The following ZNF333 variants were observed in gnomAD, a reference collection of about 807,000 sequenced individuals.
The protein encoded by ZNF333 is zinc finger protein 333.
A neutral mutation model predicts 76.1 loss-of-function variants in ZNF333; 61 were observed. The ratio of observed to expected loss-of-function variants is 0.80; its 90% CI spans 0.65 to 0.99. The LOEUF is 0.99. Ranked by LOEUF, ZNF333 falls within the 50% of genes least tolerant of loss-of-function variation. The pLI, the probability that ZNF333 is intolerant of heterozygous loss-of-function variation, is 0.00. For synonymous variants in ZNF333, 284 were observed against 305.0 expected (o/e 0.93, Z 0.72); for missense variants, 717 against 822.4 (o/e 0.87, Z 1.57).
rs188393141 is a variant in ZNF333 at position 14,715,377 on chromosome 19, C to T, written c.512-5C>T. On this transcript the variant is annotated splice_region_variant and splice_polypyrimidine_tract_variant and intron_variant, in intron 7 of 11. Coordinates refer to ENST00000292530, the MANE Select transcript of ZNF333 (RefSeq NM_032433.4). The stretch of plus-strand genomic sequence containing the variant: ...AACCCTCATGCCTCTTCCCTTCTCC[C>T]CTAGCTGTGCCTGCACGTGACCCTG... 3,210 of 1,613,636 alleles carry T rather than the reference C, an allele frequency of 2.0e-3. 82 individuals carry two copies. The Admixed American group carries it at 0.048, about 24-fold the overall frequency.
chr19:14,718,914 A>G lies in ZNF333; in HGVS notation c.1587A>G (p.Thr529=), dbSNP rs761569087. The change falls in exon 12 of 12, where the codon ACA becomes ACG. Residue 529 remains threonine, a synonymous_variant. Transcript: ENST00000292530. The stretch of plus-strand genomic sequence containing the variant: ...TGAACGTGCACAAGAGGATACACAC[A>G]GGGGAGAAACTGTATGAGTGCGCGA... ...THLNVHKRIH[T]GEKLYECATC... 6.8e-6 allele frequency: 11 copies of G among 1,612,684 alleles called. No individual in the cohort carries two copies. The highest frequency in any genetic ancestry group is 7.6e-6 in the Non-Finnish European group (9 of 1,178,694).
intron 7 of ZNF333, 172 bp from the exon 8 acceptor site, chr19:14,715,210 T>C: frequency 1.7e-6 from 1 of 591,312 alleles, no homozygotes; most frequent in Non-Finnish European, 3.0e-6. Context: ...ATTGCATGCA[T>C]GCGTGTGCAA....
intron 4 of ZNF333, among the ~76,000 whole-genome samples, chr19:14,698,774 AG>A (rs1568527231): frequency 6.6e-6 from 1 of 151,566 alleles, no homozygotes. Flanking sequence ...CAGGAGGCAG[AG>A]GTTGCAGTGA....
chr19:14,689,833 T>A (rs1333540861), upstream of ZNF333: 1 of 146,908 alleles, frequency 6.8e-6, no homozygotes, highest in East Asian at 2.0e-4. Flanking sequence ...CCCACCCCTA[T>A]CCCTGTCTCT....
At chr19:14,695,190 C>G in intron 3 of ZNF333, 57 bp downstream of exon 3, 7 of 1,584,898 alleles carry the variant, frequency 4.4e-6, no homozygotes, top group East Asian at 2.3e-5. Flanking sequence ...GCTTCTTAAG[C>G]GCCTGCCATG....
chr19:14,729,636 A>G (rs2042655272), intron 11 of ZNF333, among the ~76,000 whole-genome samples: 1 of 152,154 alleles, frequency 6.6e-6, no homozygotes, highest in Non-Finnish European at 1.5e-5. Flanking sequence ...TATGGTGTGA[A>G]CCACTGCGCC....
At chr19:14,706,851 C>T in intron 7 of ZNF333, 78 bp downstream of exon 7, 3 of 1,269,796 alleles carry the variant, frequency 2.4e-6, no homozygotes, top group Non-Finnish European at 3.3e-6. Context: ...TGTATCCTAT[C>T]CTGCCTGCAT....
At position 14,719,198 on chromosome 19, in the gene ZNF333, A is replaced by G. The variant is rs1321716982; in HGVS notation, c.1871A>G (p.Glu624Gly). The G allele has an allele frequency of 1.2e-6, 2 of 1,614,180 alleles. No individual in the cohort carries two copies. The highest frequency in any genetic ancestry group is 1.7e-6 in the Non-Finnish European group (2 of 1,180,038). Residue 624 changes from glutamate (E) to glycine (G), a missense_variant, in exon 12 of 12, where the codon GAG becomes GGG. Transcript: ENST00000292530. ...AGACCCTATCAATGTAATCAGTGTG[A>G]GAAAGCCTTCAGGCACAGCTCCTCA... ...AGRPYQCNQC[E>G]KAFRHSSSLT...
At chr19:14,709,121 CAGCCA>C (rs1214028348) in intron 7 of ZNF333, 1 of 154,054 alleles carries the variant, frequency 6.5e-6, no homozygotes, top group East Asian at 1.9e-4. Flanking sequence ...CCTCCTGCTC[CAGCCA>C]TGTAGCACGT....
chr19:14,715,167 ATG>A (rs2042390994), intron 7 of ZNF333: 2 of 530,392 alleles, frequency 3.8e-6, no homozygotes, highest in African/African-American at 3.8e-5. Context: ...TTGTGTGTAT[ATG>A]TGTGCATGTC....
intron 7 of ZNF333, among the ~76,000 whole-genome samples, chr19:14,710,443 G>A (rs1442258099): frequency 1.3e-5 from 2 of 152,202 alleles, no homozygotes; most frequent in African/African-American, 2.4e-5. Context: ...TGTCGTACTC[G>A]TGGCTGTGAT....
rs1439362640 is a variant in ZNF333 at position 14,718,741 on chromosome 19, C to CA, written c.1415dup (p.His472GlnfsTer8). 6.2e-7 allele frequency: 1 copy of CA among 1,614,084 alleles called. No homozygotes were observed. The highest frequency in any genetic ancestry group is 1.1e-5 in the South Asian group (1 of 91,082). ...ATCCCTCAGGAGCCACGTGAGAACT[C>CA]ACACTGGAGAGAAGCCCTTTGAATG... On this transcript the variant is annotated frameshift_variant, in exon 12 of 12. Coordinates refer to ENST00000292530, the MANE Select transcript of ZNF333 (RefSeq NM_032433.4). LOFTEE classifies it high-confidence loss of function.
chr19:14,700,220 T>C (rs1318295001), intron 5 of ZNF333: 1 of 152,504 alleles, frequency 6.6e-6, no homozygotes, highest in Admixed American at 6.6e-5. Context: ...GGGGTCTTGC[T>C]ATGTTGCCCA....
intron 7 of ZNF333, 162 bp downstream of exon 7, chr19:14,706,935 A>C: frequency 1.8e-6 from 1 of 569,152 alleles, no homozygotes; most frequent in Non-Finnish European, 3.0e-6. Flanking sequence ...TTGTGTGTTT[A>C]AGTGGGAGGG....
downstream of ZNF333, among the ~76,000 whole-genome samples, chr19:14,723,616 A>G (rs1259811914): frequency 6.6e-6 from 1 of 152,146 alleles, no homozygotes; most frequent in East Asian, 1.9e-4. Flanking sequence ...GCTGTTGTAA[A>G]TGGATTTGTT....
At chr19:14,708,428 G>A in intron 7 of ZNF333, 1 of 401,234 alleles carries the variant, frequency 2.5e-6, no homozygotes, top group Middle Eastern at 3.1e-4. Context: ...GGTCAGCTGG[G>A]TGGTCAGAGT....
intron 7 of ZNF333, 98 bp from the exon 8 acceptor site, chr19:14,715,284 C>T: frequency 1.0e-6 from 1 of 957,908 alleles, no homozygotes; most frequent in Non-Finnish European, 1.6e-6. Context: ...TGTGTGTACA[C>T]ATGTGATCAC....
At chr19:14,706,180 C>A in intron 6 of ZNF333, 1 of 457,414 alleles carries the variant, frequency 2.2e-6, no homozygotes, top group Non-Finnish European at 4.4e-6. Flanking sequence ...GGCACCTGGG[C>A]TCCACCCTGG....
At chr19:14,698,305 C>T (rs535525404) in intron 4 of ZNF333, among the ~76,000 whole-genome samples, 8 of 143,698 alleles carry the variant, frequency 5.6e-5, no homozygotes, top group East Asian at 2.1e-4. Context: ...ACCTGGGAGG[C>T]GGAGGTTGCA....
Sources: gnomAD v4.1 joint callset for allele counts (sites outside exome capture counted in the v4.1 genomes callset) on GRCh38, gnomAD v4.1.1 for gene constraint, MANE v1.5 for transcripts, NCBI Gene and HGNC (gene_info 2026-07-23, HGNC 2026-07-21) for gene names.